Variants in EXT1 observed in about 807,000 individuals in gnomAD.
EXT1 encodes the protein exostosin glycosyltransferase 1, also known as exostosin-1.
A neutral mutation model predicts 82.5 loss-of-function variants in EXT1; 20 were observed. The observed-to-expected ratio is 0.24, with a 90% CI of 0.17 to 0.35. The LOEUF (loss-of-function observed/expected upper bound fraction) is 0.35, where lower values mean the gene tolerates loss of function less well. EXT1 is among the 10% of genes least tolerant of loss of function. The probability of loss-of-function intolerance (pLI) is 1.00; values close to 1 mark genes in which losing one functional copy is unlikely to be tolerated. For missense variants in EXT1, 757 were observed against 936.5 expected (o/e 0.81, Z 2.50); for synonymous variants, 348 against 350.8 (o/e 0.99, Z 0.09).
intron 1 of EXT1, among the ~76,000 whole-genome samples, chr8:117,837,652 A>G (rs1054637595): frequency 2.0e-5 from 3 of 152,192 alleles, no homozygotes; most frequent in African/African-American, 7.2e-5. Flanking sequence ...ATTAAAAACT[A>G]TTCAGAAAAC....
At chr8:117,957,407 T>C (rs922240298) in intron 1 of EXT1, among the ~76,000 whole-genome samples, 6 of 152,222 alleles carry the variant, frequency 3.9e-5, no homozygotes, top group African/African-American at 1.2e-4. Context: ...AATAACTCCC[T>C]GAATGGCAGT....
chr8:118,041,667 A>G (rs538410261), intron 1 of EXT1, among the ~76,000 whole-genome samples: 11 of 76,652 alleles, frequency 1.4e-4, no homozygotes, highest in African/African-American at 5.4e-4. Context: ...AGAGAGAAAG[A>G]AGGAAGGAAG....
At chr8:117,984,851 A>G (rs895819921) in intron 1 of EXT1, among the ~76,000 whole-genome samples, 7 of 152,194 alleles carry the variant, frequency 4.6e-5, no homozygotes, top group Non-Finnish European at 1.0e-4. Context: ...ATGAGGAGGA[A>G]ACATTAACAG....
intron 1 of EXT1, among the ~76,000 whole-genome samples, chr8:118,060,332 G>A (rs1327163642): frequency 6.6e-6 from 1 of 152,072 alleles, no homozygotes; most frequent in African/African-American, 2.4e-5. Context: ...CGACTTTTTC[G>A]AATGTTTGAA....
intron 1 of EXT1, among the ~76,000 whole-genome samples, chr8:118,096,660 AAGGAAGGAAGGAAGGGAGGG>A (rs760311062): frequency 0.49 from 43,288 of 88,010 alleles, 10,373 homozygotes; most frequent in Middle Eastern, 0.6. Context: ...GGAAGGAAGG[AAGGAAGGAAGGAAGGGAGGG>A]AGGGAGGGAG....
chr8:117,860,114 T>C (rs889421252), intron 1 of EXT1, among the ~76,000 whole-genome samples: 1 of 116,904 alleles, frequency 8.6e-6, no homozygotes, highest in Non-Finnish European at 1.6e-5. Context: ...GCTACTGCCC[T>C]CCAGCCTGGG....
Position 117,967,595 on chromosome 8 carries a change from A to G in EXT1, c.963-130394T>C, listed in dbSNP as rs113761068. ...AAAGGAAAACCAAACCCAGGAACTA[A>G]GCCTGCTTTATTAATTCCAAAGGCC... On this transcript the variant is annotated intron_variant, in intron 1 of 10. Transcript: ENST00000378204. 2.2e-4 allele frequency among the ~76,000 whole-genome samples: 33 copies of G among 152,354 alleles called. 1 individual carries two copies. The highest frequency in any genetic ancestry group is 7.2e-4 in the African/African-American group (30 of 41,584).
intron 1 of EXT1, among the ~76,000 whole-genome samples, chr8:117,984,928 A>G (rs1467506204): frequency 6.6e-6 from 1 of 152,192 alleles, no homozygotes; most frequent in Non-Finnish European, 1.5e-5. Flanking sequence ...AGGCTACCAG[A>G]CTTGTAACAC....
intron 1 of EXT1, among the ~76,000 whole-genome samples, chr8:118,003,331 T>G: frequency 6.6e-6 from 1 of 151,610 alleles, no homozygotes; most frequent in Non-Finnish European, 1.5e-5. Flanking sequence ...TGCACTGAAA[T>G]CTCAGAAATC....
chr8:117,836,960 T>C (rs966849899), intron 2 of EXT1, 148 bp downstream of exon 2: 4 of 659,540 alleles, frequency 6.1e-6, no homozygotes, highest in Non-Finnish European at 1.1e-5. Context: ...TTGTCAAAAA[T>C]GTTTTAGATT....
intron 1 of EXT1, among the ~76,000 whole-genome samples, chr8:117,886,779 G>A (rs913878145): frequency 1.3e-4 from 20 of 152,126 alleles, no homozygotes; most frequent in African/African-American, 4.6e-4. Flanking sequence ...CAGAAGGGGT[G>A]GTTTCTACCT....
At chr8:117,816,435 C>T (rs1811820955) in intron 7 of EXT1, among the ~76,000 whole-genome samples, 1 of 152,126 alleles carries the variant, frequency 6.6e-6, no homozygotes, top group Admixed American at 6.5e-5. Context: ...TTCTAGAATA[C>T]TGAGCCTGAA....
At chr8:118,087,968 A>C (rs1424663113) in intron 1 of EXT1, among the ~76,000 whole-genome samples, 1 of 151,370 alleles carries the variant, frequency 6.6e-6, no homozygotes. Flanking sequence ...AAATCCTACA[A>C]GTGCCTCTGT....
At chr8:118,049,066 C>T (rs182186834) in intron 1 of EXT1, among the ~76,000 whole-genome samples, 41 of 152,284 alleles carry the variant, frequency 2.7e-4, no homozygotes, top group African/African-American at 9.1e-4. Flanking sequence ...CATCCATTTA[C>T]AGCCAACTAT....
At chr8:117,942,529 T>G (rs1586299648) in intron 1 of EXT1, among the ~76,000 whole-genome samples, 1 of 152,044 alleles carries the variant, frequency 6.6e-6, no homozygotes, top group Non-Finnish European at 1.5e-5. Context: ...CTGACCAACA[T>G]GGAGAAAGCC....
chr8:117,902,255 TA>T (rs138742080), intron 1 of EXT1, among the ~76,000 whole-genome samples: 16 of 150,496 alleles, frequency 1.1e-4, no homozygotes, highest in African/African-American at 3.2e-4. Flanking sequence ...ACAGGTAACT[TA>T]AAAAAAAATA....
At chr8:117,866,631 A>G (rs1303837467) in intron 1 of EXT1, among the ~76,000 whole-genome samples, 1 of 152,060 alleles carries the variant, frequency 6.6e-6, no homozygotes, top group African/African-American at 2.4e-5. Context: ...GGAAACCTAG[A>G]ATTTTATCCA....
intron 1 of EXT1, among the ~76,000 whole-genome samples, chr8:117,958,592 T>C (rs1276764841): frequency 1.3e-5 from 2 of 152,226 alleles, no homozygotes; most frequent in African/African-American, 4.8e-5. Context: ...CATTCTACTA[T>C]AATTTGGTTG....
At chr8:118,061,974 A>C (rs1271456869) in intron 1 of EXT1, among the ~76,000 whole-genome samples, 1 of 152,234 alleles carries the variant, frequency 6.6e-6, no homozygotes, top group African/African-American at 2.4e-5. Context: ...TCAAAACTCC[A>C]AAGTATTACT....
Sources: allele counts gnomAD v4.1 joint callset (sites outside exome capture counted in the v4.1 genomes callset), GRCh38; gene constraint gnomAD v4.1.1; transcripts MANE v1.5; gene names NCBI Gene and HGNC (gene_info 2026-07-23, HGNC 2026-07-21).